The following IL6R variants were observed in gnomAD, a reference collection of about 807,000 sequenced individuals.
IL6R encodes the protein interleukin 6 receptor.
A neutral mutation model predicts 48.3 loss-of-function variants in IL6R; 38 were observed. The observed-to-expected ratio is 0.79, with a 90% CI of 0.61 to 1.03. The LOEUF is 1.03. Among genes scored for constraint, IL6R ranks in the 50% least tolerant of loss-of-function variants. The probability of loss-of-function intolerance (pLI) is 0.00; values close to 1 mark genes in which losing one functional copy is unlikely to be tolerated. For missense variants in IL6R, 534 were observed against 618.3 expected (o/e 0.86, Z 1.45); for synonymous variants, 264 against 256.2 (o/e 1.03, Z -0.29).
chr1:154,414,933 G>T, intron 1 of IL6R: 1 of 1,105,450 alleles, frequency 9.0e-7, no homozygotes, highest in Non-Finnish European at 1.3e-6. Context: ...GGAAGGAGGG[G>T]ATGTCCTCGC....
intron 1 of IL6R, among the ~76,000 whole-genome samples, chr1:154,416,544 G>A (rs1688366578): frequency 6.6e-6 from 1 of 152,126 alleles, no homozygotes; most frequent in African/African-American, 2.4e-5. Flanking sequence ...TGAGGGAGGA[G>A]GAGCTGGGGC....
At chr1:154,457,767 A>G (rs1690975012) in intron 9 of IL6R, among the ~76,000 whole-genome samples, 1 of 152,124 alleles carries the variant, frequency 6.6e-6, no homozygotes, top group African/African-American at 2.4e-5. Flanking sequence ...GTTAATCGCG[A>G]TGATCTACAA....
At chr1:154,439,595 G>T (rs768508006) in intron 6 of IL6R, among the ~76,000 whole-genome samples, 1 of 152,184 alleles carries the variant, frequency 6.6e-6, no homozygotes, top group African/African-American at 2.4e-5. Flanking sequence ...GATTACAGGC[G>T]TGAGCCACCG....
rs530689821 is a variant in IL6R, at chr1:154,466,858, A to G, written c.*1478A>G. 40 of 158,168 alleles carry G rather than the reference A, an allele frequency of 2.5e-4. 1 individual carries two copies. Among genetic ancestry groups the G allele is most frequent in the Middle Eastern group, 3.1e-3 (1 of 322 alleles). 9.8% of individuals were successfully genotyped at this position (158,168 alleles called of 1,614,324 possible). On this transcript the variant is annotated 3_prime_UTR_variant, in exon 10 of 10. Transcript: ENST00000368485. ...GCAAGTGAGACCCTGTCTCAAAAAA[A>G]GAAAAAGAAAAAGAAAAAATATTTT...
intron 1 of IL6R, among the ~76,000 whole-genome samples, chr1:154,415,682 A>C (rs1688299753): frequency 6.6e-6 from 1 of 152,226 alleles, no homozygotes; most frequent in South Asian, 2.1e-4. Flanking sequence ...AAAAACACAT[A>C]ATATAAAATG....
At chr1:154,458,760 G>A (rs1691066831) in intron 9 of IL6R, among the ~76,000 whole-genome samples, 1 of 152,074 alleles carries the variant, frequency 6.6e-6, no homozygotes, top group African/African-American at 2.4e-5. Flanking sequence ...AATTAGCTGG[G>A]CATGGTGGTG....
intron 6 of IL6R, among the ~76,000 whole-genome samples, chr1:154,441,558 T>C (rs1689937019): frequency 6.6e-6 from 1 of 152,186 alleles, no homozygotes; most frequent in Non-Finnish European, 1.5e-5. Context: ...TGGATGATTT[T>C]GACGCAAGAG....
intron 1 of IL6R, among the ~76,000 whole-genome samples, chr1:154,419,245 C>T (rs777347938): frequency 2.9e-4 from 44 of 152,236 alleles, no homozygotes; most frequent in African/African-American, 5.5e-4. Flanking sequence ...AAGCCCAGGG[C>T]GCAGGGTAAG....
rs750407547 is a variant in IL6R, at chr1:154,434,642, C to T, written c.582C>T (p.Val194=). 9 of 1,614,060 alleles carry T rather than the reference C, an allele frequency of 5.6e-6. No individual in the cohort carries two copies. Among genetic ancestry groups the T allele is most frequent in the Middle Eastern group, 1.6e-4 (1 of 6,084 alleles). ...CTTTCTACATAGTGTCCATGTGCGT[C>T]GCCAGTAGTGTCGGGAGCAAGTTCA... ...DSSFYIVSMC[V]ASSVGSKFSK... The change falls in exon 4 of 10, where the codon GTC becomes GTT. Residue 194 remains valine (V), a synonymous_variant. Coordinates refer to ENST00000368485, the MANE Select transcript of IL6R (RefSeq NM_000565.4).
chr1:154,445,065 TC>T, intron 6 of IL6R: 6 of 455,900 alleles, frequency 1.3e-5, no homozygotes, highest in Non-Finnish European at 2.6e-5. Context: ...CCACAGACCA[TC>T]CCGGGTGGCA....
intron 9 of IL6R, 28 bp from the exon 10 acceptor site, chr1:154,465,106 T>C: frequency 6.2e-7 from 1 of 1,612,890 alleles, no homozygotes; most frequent in Non-Finnish European, 8.5e-7. Flanking sequence ...AAAATCTGTG[T>C]GGTTTGTCTT....
At chr1:154,429,873 G>C (rs1426032156) in intron 2 of IL6R, among the ~76,000 whole-genome samples, 1 of 152,046 alleles carries the variant, frequency 6.6e-6, no homozygotes, top group Non-Finnish European at 1.5e-5. Context: ...ACACACATAT[G>C]CTGCTAAAAA....
intron 9 of IL6R, 149 bp downstream of exon 9, chr1:154,454,730 C>G (rs754748450): frequency 6.4e-5 from 42 of 655,256 alleles, no homozygotes; most frequent in Non-Finnish European, 1.0e-4. Context: ...ACAACACCTA[C>G]TATTATGCCA....
At chr1:154,464,115 C>T (rs1691408878) in intron 9 of IL6R, among the ~76,000 whole-genome samples, 1 of 152,044 alleles carries the variant, frequency 6.6e-6, no homozygotes, top group Admixed American at 6.5e-5. Context: ...TTTTCTTTCC[C>T]TACTAAAAGA....
intron 1 of IL6R, among the ~76,000 whole-genome samples, chr1:154,418,117 G>C (rs948836986): frequency 4.6e-5 from 7 of 151,970 alleles, no homozygotes; most frequent in Non-Finnish European, 2.9e-5. Context: ...TGATCCGCCA[G>C]CCTCAGCCTC....
At chr1:154,426,523 A>C (rs553162653) in intron 1 of IL6R, among the ~76,000 whole-genome samples, 1 of 148,916 alleles carries the variant, frequency 6.7e-6, no homozygotes, top group African/African-American at 2.4e-5. Flanking sequence ...TCTGTCTCAA[A>C]AAAAAAAAAA....
chr1:154,453,997 T>A (rs919759876), intron 8 of IL6R: 2 of 165,040 alleles, frequency 1.2e-5, no homozygotes, highest in African/African-American at 4.8e-5. Context: ...AGGCAAGAGA[T>A]GACACCCCCA....
chr1:154,430,443 C>G (rs767159694), intron 2 of IL6R, 40 bp from the exon 3 acceptor site: 1 of 1,607,110 alleles, frequency 6.2e-7, no homozygotes, highest in Non-Finnish European at 8.5e-7. Flanking sequence ...GCCCCAGGAT[C>G]CCCGCCCGCC....
At chr1:154,406,068 G>A (rs1469256140) in intron 1 of IL6R, among the ~76,000 whole-genome samples, 2 of 152,172 alleles carry the variant, frequency 1.3e-5, no homozygotes, top group African/African-American at 4.8e-5. Flanking sequence ...GTTACTCTAA[G>A]GGGAGACTGC....
Sources: gnomAD v4.1 joint callset for allele counts (sites outside exome capture counted in the v4.1 genomes callset) on GRCh38, gnomAD v4.1.1 for gene constraint, MANE v1.5 for transcripts, NCBI Gene and HGNC (gene_info 2026-07-23, HGNC 2026-07-21) for gene names.